GSAP: variants seen among roughly 807,000 people sequenced by gnomAD.
GSAP encodes gamma-secretase-activating protein.
GSAP carries 118 observed loss-of-function variants against 131.7 expected under a neutral mutation model. The ratio of observed to expected loss-of-function variants is 0.90; its 90% CI spans 0.77 to 1.04. The LOEUF is 1.04. GSAP is among the 50% of genes least tolerant of loss of function. GSAP has a pLI of 0.00. For missense variants in GSAP, 1,019 were observed against 1,013.2 expected, an observed-to-expected ratio of 1.01 and a Z score of -0.08; for synonymous variants, 381 against 363.4, an observed-to-expected ratio of 1.05 and a Z score of -0.55.
chr7:77,340,898 G>A (rs889163497), intron 19 of GSAP, among the ~76,000 whole-genome samples: 29 of 151,744 alleles, frequency 1.9e-4, no homozygotes, highest in African/African-American at 7.0e-4. Context: ...TCTTTTCTCT[G>A]GGCTTGCCTC....
chr7:77,343,681 T>C (rs1791354146), intron 19 of GSAP, among the ~76,000 whole-genome samples: 2 of 152,170 alleles, frequency 1.3e-5, no homozygotes, highest in African/African-American at 4.8e-5. Flanking sequence ...CATCGGTCAC[T>C]TCCACCTACT....
chr7:77,323,157 G>C (rs111975106), intron 24 of GSAP, among the ~76,000 whole-genome samples: 1 of 152,106 alleles, frequency 6.6e-6, no homozygotes, highest in Non-Finnish European at 1.5e-5. Flanking sequence ...TACTAATCTG[G>C]ATCACAAAAT....
rs936395368 is a variant in GSAP at position 77,365,686 on chromosome 7, A to G, written c.872-3026T>C. ...CTTTGCTAACATGAATCACGCTGCAATTGACATTTGCATACGTATATCTTT... is the reference window on the plus strand; with the variant it reads ...CTTTGCTAACATGAATCACGCTGCAGTTGACATTTGCATACGTATATCTTT... On this transcript the variant is annotated intron_variant, in intron 12 of 30. Transcript: ENST00000257626. Among the ~76,000 whole-genome samples the G allele has an allele frequency of 6.6e-5, 10 of 152,116 alleles. No homozygotes were observed. The East Asian group carries it at 1.7e-3, about 26-fold the overall frequency.
chr7:77,412,010 C>G (rs1285803399), intron 1 of GSAP, among the ~76,000 whole-genome samples: 4 of 152,284 alleles, frequency 2.6e-5, no homozygotes, highest in African/African-American at 9.6e-5. Context: ...GAAACTCTGT[C>G]TCTACTAAAA....
intron 26 of GSAP, among the ~76,000 whole-genome samples, chr7:77,317,851 C>T (rs763463792): frequency 6.6e-6 from 1 of 152,160 alleles, no homozygotes; most frequent in Non-Finnish European, 1.5e-5. Context: ...TCCTGTAATC[C>T]TTCAATCTTT....
intron 23 of GSAP, among the ~76,000 whole-genome samples, chr7:77,324,612 T>C (rs1584258073): frequency 6.6e-6 from 1 of 152,192 alleles, no homozygotes. Flanking sequence ...CAATTCAGTC[T>C]CATGCATGTG....
chr7:77,372,347 G>A (rs897023986), intron 12 of GSAP, among the ~76,000 whole-genome samples: 2 of 152,062 alleles, frequency 1.3e-5, no homozygotes, highest in African/African-American at 4.8e-5. Flanking sequence ...GAATCTTGAT[G>A]GAATCCTGAC....
chr7:77,403,922 T>A (rs989016957), intron 3 of GSAP, among the ~76,000 whole-genome samples: 8 of 152,226 alleles, frequency 5.3e-5, no homozygotes, highest in African/African-American at 1.9e-4. Flanking sequence ...TTCCCACTCC[T>A]AGATACACAC....
chr7:77,322,631 G>C (rs1463615281), intron 24 of GSAP, among the ~76,000 whole-genome samples: 15 of 149,082 alleles, frequency 1.0e-4, no homozygotes, highest in Admixed American at 1.0e-3. Context: ...AACATGGGGA[G>C]GATCAGTAAC....
At chr7:77,318,330 T>C (rs1787146800) in intron 26 of GSAP, among the ~76,000 whole-genome samples, 1 of 150,906 alleles carries the variant, frequency 6.6e-6, no homozygotes, top group Non-Finnish European at 1.5e-5. Flanking sequence ...CCAACTTAAG[T>C]TTCTACCAGT....
Position 77,377,293 on chromosome 7 carries a change from T to G in GSAP, c.674A>C (p.Asp225Ala), listed in dbSNP as rs1044364514. Residue 225 changes from aspartate to alanine, a missense_variant, in exon 9 of 31, where the codon GAC (aspartate) becomes GCC (alanine). Asp to Ala is a moderately radical substitution (Grantham distance 126). Coordinates refer to ENST00000257626, the MANE Select transcript of GSAP (RefSeq NM_017439.4). ...DMSEQRLYYI[D>A]LKKSRSILKC... The stretch of plus-strand genomic sequence containing the variant: ...GTGAACTAGTTTTTTTACCTTCAGG[T>G]CAATGTAATATAATCTCTGTTCTGA... The G allele has an allele frequency of 1.4e-5, 20 of 1,477,870 alleles. No homozygotes were observed. Among genetic ancestry groups the G allele is most frequent in the Non-Finnish European group, 1.8e-5 (20 of 1,116,292 alleles). The allele number at this position is 1,477,870 out of a possible 1,614,324, so 91.5% of individuals were successfully genotyped here. A position where few individuals can be genotyped will look rare whatever the true frequency, so the allele number is the denominator to read the frequency against.
Position 77,318,469 on chromosome 7 carries a change from T to C in GSAP, c.2089+2256A>G, listed in dbSNP as rs80056135. Reference sequence around the variant, plus strand: ...CAAATGATGAATGGATGAATATATATGAATGAAGTAACTAAATATCAGCTG... The same window carrying C: ...CAAATGATGAATGGATGAATATATACGAATGAAGTAACTAAATATCAGCTG... On this transcript the variant is annotated intron_variant, in intron 26 of 30. Transcript: ENST00000257626. Among the ~76,000 whole-genome samples the C allele has an allele frequency of 9.9e-3, 1,510 of 152,338 alleles. 31 individuals carry two copies. Among genetic ancestry groups the C allele is most frequent in the African/African-American group, 0.035 (1,440 of 41,590 alleles).
Position 77,355,274 on chromosome 7 carries a change from T to G in GSAP, c.1277A>C (p.Lys426Thr). The change falls in exon 16 of 31, where the codon AAG becomes ACG. Residue 426 changes from lysine (K) to threonine (T), a missense_variant. Transcript: ENST00000257626. ...GAGCGCGCAGTGCAACGCAGCCATC[T>G]TCTCACAGTCTAAGCAAGTGTTCTG... ...LLQNTCLDCE[K>T]MAALHCALYC... 2 of 1,614,124 alleles carry G rather than the reference T, an allele frequency of 1.2e-6. No homozygotes were observed. Among genetic ancestry groups the G allele is most frequent in the Admixed American group, 1.7e-5 (1 of 60,030 alleles).
chr7:77,390,998 T>C (rs924801727), intron 5 of GSAP, among the ~76,000 whole-genome samples: 4 of 123,030 alleles, frequency 3.3e-5, no homozygotes, highest in African/African-American at 1.3e-4. Context: ...CCGGGTGTGG[T>C]GGCACTCATC....
chr7:77,416,293 T>C lies in GSAP; in HGVS notation c.29A>G (p.Asp10Gly). 2 of 1,495,360 alleles carry C rather than the reference T, an allele frequency of 1.3e-6. No individual in the cohort carries two copies. Among genetic ancestry groups the C allele is most frequent in the Non-Finnish European group, 1.8e-6 (2 of 1,124,348 alleles). 92.6% of individuals were successfully genotyped at this position (1,495,360 alleles called of 1,614,324 possible). A position where few individuals can be genotyped will look rare whatever the true frequency, so the allele number is the denominator to read the frequency against. The change falls in exon 1 of 31, where the codon GAC becomes GGC. Residue 10 changes from aspartate to glycine, a missense_variant. Asp to Gly is a moderately conservative substitution (Grantham distance 94). Transcript: ENST00000257626. Reference protein sequence around the residue: MALRLVADFDLGKDVLPWLR... With the variant: MALRLVADFGLGKDVLPWLR... ...CCACGGGAGCACGTCCTTCCCGAGG[T>C]CGAAGTCGGCGACCAGGCGAAGAGC...
intron 5 of GSAP, 75 bp downstream of exon 5, chr7:77,396,907 G>A (rs1800488556): frequency 1.4e-6 from 1 of 709,790 alleles, no homozygotes; most frequent in African/African-American, 1.8e-5. Flanking sequence ...CTTGAAATTT[G>A]ATTTGGTAGT....
At chr7:77,416,358 G>A (rs1179750593), upstream of GSAP, 12 of 1,228,934 alleles carry the variant, frequency 9.8e-6, no homozygotes, top group East Asian at 3.1e-4. Flanking sequence ...CTGGGGCCCC[G>A]CACCGCGGGC....
chr7:77,329,336 A>T lies in GSAP; in HGVS notation c.1730T>A (p.Val577Glu), dbSNP rs755259300. The change falls in exon 21 of 31, where the codon GTA becomes GAA. Residue 577 changes from valine to glutamate, a missense_variant. Coordinates refer to ENST00000257626, the MANE Select transcript of GSAP (RefSeq NM_017439.4). ...GATAACCTCTGCTTTCACTTACTTT[A>T]CTGCATTATCAAGAATATTCCTCAC... ...AYVRNILDNA[V>E]KVISNLEARN... 42 of 1,552,820 alleles carry T rather than the reference A, an allele frequency of 2.7e-5. No individual in the cohort carries two copies. Among genetic ancestry groups the T allele is most frequent in the Non-Finnish European group, 3.5e-5 (40 of 1,139,436 alleles).
chr7:77,395,322 C>T (rs1490101411), intron 5 of GSAP, among the ~76,000 whole-genome samples: 2 of 152,278 alleles, frequency 1.3e-5, no homozygotes, highest in Admixed American at 1.3e-4. Flanking sequence ...TCCAGGAACA[C>T]AGCAGCTAGG....
Sources: allele counts gnomAD v4.1 joint callset (sites outside exome capture counted in the v4.1 genomes callset), GRCh38; gene constraint gnomAD v4.1.1; transcripts MANE v1.5; gene names NCBI Gene and HGNC (gene_info 2026-07-23, HGNC 2026-07-21).